The following WLS variants were observed in gnomAD, a reference collection of about 807,000 sequenced individuals.
WLS encodes the protein Wnt ligand secretion mediator.
Under a neutral mutation model 62.8 loss-of-function variants are expected in WLS, and 23 were observed. The ratio of observed to expected loss-of-function variants is 0.37; its 90% CI spans 0.26 to 0.52. The LOEUF (loss-of-function observed/expected upper bound fraction) is 0.52, where lower values mean the gene tolerates loss of function less well. Ranked by LOEUF, WLS falls within the 20% of genes least tolerant of loss-of-function variation. WLS has a pLI of 0.92. For synonymous variants in WLS, 246 were observed against 244.1 expected, an observed-to-expected ratio of 1.01 and a Z score of -0.07; for missense variants, 615 against 697.3, an observed-to-expected ratio of 0.88 and a Z score of 1.33.
chr1:68,193,398 TAAAAAAAAAAAAAAAAAAAAAAAAAAA>T (rs904327955), intron 2 of WLS, among the ~76,000 whole-genome samples: 822 of 15,428 alleles, frequency 0.053, 7 homozygotes, highest in African/African-American at 0.12. Flanking sequence ...GCAAATAAGC[TAAAAAAAAAAAAAAAAAAAAAAAAAAA>T]AAAAAAAAAA....
At chr1:68,166,096 A>G (rs1357086975) in intron 2 of WLS, among the ~76,000 whole-genome samples, 1 of 152,222 alleles carries the variant, frequency 6.6e-6, no homozygotes, top group East Asian at 1.9e-4. Context: ...ATTTTAATGT[A>G]CAATTACTCC....
chr1:68,186,943 A>G (rs551619576), intron 2 of WLS, among the ~76,000 whole-genome samples: 13 of 151,988 alleles, frequency 8.6e-5, no homozygotes, highest in Non-Finnish European at 1.9e-4. Flanking sequence ...CAGGCATGGT[A>G]GCTCACGCCT....
chr1:68,105,398 A>T (rs1646129604), intron 11 of WLS, among the ~76,000 whole-genome samples: 1 of 152,232 alleles, frequency 6.6e-6, no homozygotes, highest in Admixed American at 6.5e-5. Flanking sequence ...CTAAATTCTC[A>T]TTCAGTTCAG....
intron 2 of WLS, among the ~76,000 whole-genome samples, chr1:68,181,051 C>T (rs1570963162): frequency 6.6e-6 from 1 of 152,180 alleles, no homozygotes; most frequent in Non-Finnish European, 1.5e-5. Context: ...CTTTTGCAAG[C>T]AGAATTCTGC....
chr1:68,144,875 G>A (rs547590426), intron 9 of WLS, among the ~76,000 whole-genome samples: 6 of 152,260 alleles, frequency 3.9e-5, no homozygotes, highest in East Asian at 3.9e-4. Context: ...ATAAAGCAGC[G>A]ATACGAGAGC....
chr1:68,231,315 G>A (rs1417557267), intron 1 of WLS, among the ~76,000 whole-genome samples: 1 of 152,136 alleles, frequency 6.6e-6, no homozygotes, highest in Non-Finnish European at 1.5e-5. Context: ...CGCTGTCGCC[G>A]AGGAGGCCGG....
chr1:68,154,026 A>C (rs1305063770), intron 4 of WLS, among the ~76,000 whole-genome samples: 2 of 152,144 alleles, frequency 1.3e-5, no homozygotes, highest in Non-Finnish European at 2.9e-5. Flanking sequence ...TTAAAATGCT[A>C]ATACCTAAAG....
intron 8 of WLS, among the ~76,000 whole-genome samples, chr1:68,146,766 T>C (rs1166683117): frequency 6.6e-6 from 1 of 152,132 alleles, no homozygotes; most frequent in Non-Finnish European, 1.5e-5. Context: ...TGAGACCCAC[T>C]AGGGAGACTG....
intron 1 of WLS, among the ~76,000 whole-genome samples, chr1:68,225,896 A>T (rs760707746): frequency 3.3e-5 from 5 of 152,204 alleles, no homozygotes; most frequent in Non-Finnish European, 7.3e-5. Flanking sequence ...ATTGAGTAAT[A>T]TTCTTGCAAG....
At chr1:68,215,504 GATATGA>G (rs1649691121) in intron 1 of WLS, among the ~76,000 whole-genome samples, 1 of 152,186 alleles carries the variant, frequency 6.6e-6, no homozygotes, top group Non-Finnish European at 1.5e-5. Flanking sequence ...GCTAATGGGT[GATATGA>G]TGATTATCAC....
chr1:68,122,904 ACTGT>A (rs976515075), downstream of WLS, among the ~76,000 whole-genome samples: 1 of 152,106 alleles, frequency 6.6e-6, no homozygotes, highest in Non-Finnish European at 1.5e-5. Flanking sequence ...TTTCTCCTCC[ACTGT>A]CTATTTGTTA....
intron 1 of WLS, chr1:68,228,096 C>G (rs1231163037): frequency 2.5e-5 from 8 of 315,348 alleles, no homozygotes; most frequent in South Asian, 2.2e-4. Context: ...TATGTTATAT[C>G]TTATACAGTA....
At position 68,187,574 on chromosome 1, in the gene WLS, T is replaced by A. The variant is rs1269111870; in HGVS notation, c.379+6381A>T. On this transcript the variant is annotated intron_variant, in intron 2 of 11. Coordinates refer to ENST00000262348, the MANE Select transcript of WLS (RefSeq NM_024911.7). ...GGATTAGTATTTGCTGGGAAGTAAT[T>A]CATCTGTGAAATTATTTAACATGTA... is the stretch of plus-strand genomic sequence containing the variant. Among the ~76,000 whole-genome samples the A allele has an allele frequency of 2.0e-5, 3 of 152,190 alleles. No individual in the cohort carries two copies. The South Asian group carries it at 6.2e-4, about 31-fold the overall frequency.
chr1:68,188,110 A>G (rs1648076638), intron 2 of WLS, among the ~76,000 whole-genome samples: 1 of 152,222 alleles, frequency 6.6e-6, no homozygotes, highest in Non-Finnish European at 1.5e-5. Flanking sequence ...TACCTGCCCA[A>G]GTGTCAGACT....
At chr1:68,180,699 C>T (rs1647513919) in intron 2 of WLS, among the ~76,000 whole-genome samples, 1 of 152,136 alleles carries the variant, frequency 6.6e-6, no homozygotes, top group East Asian at 1.9e-4. Context: ...AGCCTCTGTA[C>T]ACTAGTGATG....
At chr1:68,221,486 C>G (rs1344841481) in intron 1 of WLS, among the ~76,000 whole-genome samples, 2 of 152,200 alleles carry the variant, frequency 1.3e-5, no homozygotes, top group East Asian at 3.8e-4. Context: ...CAAGCCAGAA[C>G]TAGCTCAACA....
intron 1 of WLS, among the ~76,000 whole-genome samples, chr1:68,227,224 C>T (rs72670459): frequency 0.16 from 23,599 of 151,922 alleles, 2,249 homozygotes; most frequent in East Asian, 0.42. Context: ...TGAAACCCCG[C>T]CTGGCCAACC....
At chr1:68,105,084 A>G (rs1288655601) in intron 11 of WLS, among the ~76,000 whole-genome samples, 1 of 152,142 alleles carries the variant, frequency 6.6e-6, no homozygotes, top group Admixed American at 6.5e-5. Flanking sequence ...CAGCATGTTT[A>G]ATAAGGTTAG....
chr1:68,147,787 G>A (rs1646771891), intron 8 of WLS, among the ~76,000 whole-genome samples: 1 of 152,096 alleles, frequency 6.6e-6, no homozygotes, highest in Non-Finnish European at 1.5e-5. Flanking sequence ...CTTCCACAGG[G>A]GCCCAGAGAT....
Sources: allele counts gnomAD v4.1 joint callset (sites outside exome capture counted in the v4.1 genomes callset), GRCh38; gene constraint gnomAD v4.1.1; transcripts MANE v1.5; gene names NCBI Gene and HGNC (gene_info 2026-07-23, HGNC 2026-07-21).